Variants in CTAGE1 observed in about 807,000 individuals in gnomAD.
CTAGE1 encodes cutaneous T cell lymphoma-associated antigen 1.
For missense variants in CTAGE1, 963 were observed against 855.9 expected (o/e 1.13, Z -1.56); for synonymous variants, 332 against 302.8 (o/e 1.10, Z -1.00).
At position 22,417,831 on chromosome 18, in the gene CTAGE1, A is replaced by G. The variant is rs1269828044; in HGVS notation, c.-20T>C. 2 of 1,613,418 alleles carry G rather than the reference A, an allele frequency of 1.2e-6. No homozygotes were observed. Among genetic ancestry groups the G allele is most frequent in the South Asian group, 2.2e-5 (2 of 91,058 alleles). Reference sequence around the variant, plus strand: ...TCTCATACCTTCAGTCAGTGCTGCCACAACCCTGCGTAGCAACTCCAGGAC... The same window carrying G: ...TCTCATACCTTCAGTCAGTGCTGCCGCAACCCTGCGTAGCAACTCCAGGAC... On this transcript the variant is annotated 5_prime_UTR_variant, in exon 1 of 1. Coordinates refer to ENST00000391403, the MANE Select transcript of CTAGE1 (RefSeq NM_172241.3).
rs199824409 is a variant in CTAGE1 at position 22,417,560 on chromosome 18, A to T, written c.252T>A (p.Asn84Lys). 9.0e-5 allele frequency: 146 copies of T among 1,613,992 alleles called. 1 individual carries two copies. The East Asian group carries it at 2.0e-3, about 22-fold the overall frequency. Residue 84 changes from asparagine to lysine, a missense_variant, in exon 1 of 1, where the codon AAT becomes AAA. Coordinates refer to ENST00000391403, the MANE Select transcript of CTAGE1 (RefSeq NM_172241.3). ...CTGTTGCCTCCTTCTCAAAGCTGGCATTCTTTAAAGATGACTCTACTTCAT... is the reference window on the plus strand; with the variant it reads ...CTGTTGCCTCCTTCTCAAAGCTGGCTTTCTTTAAAGATGACTCTACTTCAT... ...EGYEVESSLKNASFEKEATEA... is the reference protein window; with the variant it reads ...EGYEVESSLKKASFEKEATEA...
In CTAGE1 at chr18:22,417,076, C is replaced by G. The variant is rs1181502329; in HGVS notation, c.736G>C (p.Asp246His). ...TLTERLLKMK[D>H]GVAMLEEDVT... ...TCTTCTTCAAGCATAGCAACCCCAT[C>G]TTTCATCTTTAGCAAGCGTTCAGTC... Residue 246 changes from aspartate to histidine, a missense_variant, in exon 1 of 1, where the codon GAT becomes CAT. Asp to His is a moderately conservative substitution (Grantham distance 81, BLOSUM62 -1). Coordinates refer to ENST00000391403, the MANE Select transcript of CTAGE1 (RefSeq NM_172241.3). 3 of 1,613,856 alleles carry G rather than the reference C, an allele frequency of 1.9e-6. No individual in the cohort carries two copies. Among genetic ancestry groups the G allele is most frequent in the Non-Finnish European group, 2.5e-6 (3 of 1,179,860 alleles).
chr18:22,414,635 T>C lies in CTAGE1; in HGVS notation c.*939A>G. ...TCACCAACTGCAATTAAGCACTATCTTAGATTTACTCCTTCCCCTTGCCAC... is the reference window on the plus strand; with the variant it reads ...TCACCAACTGCAATTAAGCACTATCCTAGATTTACTCCTTCCCCTTGCCAC... On this transcript the variant is annotated 3_prime_UTR_variant, in exon 1 of 1. Transcript: ENST00000391403. 1.4e-6 allele frequency: 1 copy of C among 700,324 alleles called. No individual in the cohort carries two copies. The highest frequency in any genetic ancestry group is 2.6e-6 in the Non-Finnish European group (1 of 384,374). The allele number at this position is 700,324 out of a possible 1,614,324, so 43.4% of individuals were successfully genotyped here. A position where few individuals can be genotyped will look rare whatever the true frequency, so the allele number is the denominator to read the frequency against.
chr18:22,415,528 G>C lies in CTAGE1; in HGVS notation c.*46C>G, dbSNP rs780459760. 1 of 1,434,004 alleles carries C rather than the reference G, an allele frequency of 7.0e-7. No homozygotes were observed. The allele number at this position is 1,434,004 out of a possible 1,614,324, so 88.8% of individuals were successfully genotyped here. On this transcript the variant is annotated 3_prime_UTR_variant, in exon 1 of 1. Coordinates refer to ENST00000391403, the MANE Select transcript of CTAGE1 (RefSeq NM_172241.3). ...TGTCGTTCTGGATGTTCAGCAGCAG[G>C]CTCATTTGAAGTCGGACTCAACCCT...
Position 22,417,565 on chromosome 18 carries a change from T to C in CTAGE1, c.247A>G (p.Lys83Glu), listed in dbSNP as rs765099199. ...YEGYEVESSL[K>E]NASFEKEATE... The stretch of plus-strand genomic sequence containing the variant: ...GCCTCCTTCTCAAAGCTGGCATTCT[T>C]TAAAGATGACTCTACTTCATAGCCT... The change falls in exon 1 of 1, where the codon AAG becomes GAG. Residue 83 changes from lysine (K) to glutamate (E), a missense_variant. Coordinates refer to ENST00000391403, the MANE Select transcript of CTAGE1 (RefSeq NM_172241.3). 2.9e-5 allele frequency: 47 copies of C among 1,613,898 alleles called. No homozygotes were observed. The highest frequency in any genetic ancestry group is 3.7e-5 in the Non-Finnish European group (44 of 1,179,874).
Position 22,415,450 on chromosome 18 carries a change from A to C in CTAGE1, c.*124T>G, listed in dbSNP as rs2034997264. 4 of 772,658 alleles carry C rather than the reference A, an allele frequency of 5.2e-6. No homozygotes were observed. In the African/African-American group the frequency reaches 5.2e-5, roughly 10 times the overall value. The allele number at this position is 772,658 out of a possible 1,614,324, so 47.9% of individuals were successfully genotyped here. A position where few individuals can be genotyped will look rare whatever the true frequency, so the allele number is the denominator to read the frequency against. ...ACAGCAGTTACTTAAACTGAAAATG[A>C]GATCAGTCAAAATTACTTTTGAAGA... On this transcript the variant is annotated 3_prime_UTR_variant, in exon 1 of 1. Coordinates refer to ENST00000391403, the MANE Select transcript of CTAGE1 (RefSeq NM_172241.3).
In CTAGE1 at chr18:22,417,129, T is replaced by C. The variant is rs1472717925; in HGVS notation, c.683A>G (p.Asn228Ser). 5.0e-5 allele frequency: 81 copies of C among 1,613,816 alleles called. No individual in the cohort carries two copies. Among genetic ancestry groups the C allele is most frequent in the Non-Finnish European group, 6.6e-5 (78 of 1,179,830 alleles). ...DSKVHAEQVL[N>S]DKENHIKTLT... The stretch of plus-strand genomic sequence containing the variant: ...AGTCTTGATGTGATTTTCTTTATCA[T>C]TTAGAACTTGTTCTGCATGTACTTT... Residue 228 changes from asparagine (N) to serine (S), a missense_variant, in exon 1 of 1, where the codon AAT (asparagine) becomes AGT (serine). By Grantham distance (46) the Asn-to-Ser change is conservative. Transcript: ENST00000391403.
rs1330780976 is a variant in CTAGE1 at position 22,417,005 on chromosome 18, C to A, written c.807G>T (p.Ser269=). 1 of 1,613,884 alleles carries A rather than the reference C, an allele frequency of 6.2e-7. No individual in the cohort carries two copies. Among genetic ancestry groups the A allele is most frequent in the Non-Finnish European group, 8.5e-7 (1 of 1,179,920 alleles). ...DNLELEMNSE[S]EDGAYLDNPP... is the part of the protein sequence containing the mutation. Reference sequence around the variant, plus strand: ...GATTATCTAAGTAAGCACCATCTTCCGATTCACTGTTCATTTCTAATTCCA... The same window carrying A: ...GATTATCTAAGTAAGCACCATCTTCAGATTCACTGTTCATTTCTAATTCCA... The change falls in exon 1 of 1, where the codon TCG becomes TCT. Residue 269 remains serine, a synonymous_variant. Coordinates refer to ENST00000391403, the MANE Select transcript of CTAGE1 (RefSeq NM_172241.3).
rs2034983243 is a variant in CTAGE1 at position 22,414,293 on chromosome 18, GT to G, written c.*1280del. 5.3e-6 allele frequency: 1 copy of G among 188,542 alleles called. No homozygotes were observed. The highest frequency in any genetic ancestry group is 1.5e-4 in the South Asian group (1 of 6,820). The allele number at this position is 188,542 out of a possible 1,614,324, so 11.7% of individuals were successfully genotyped here. A position where few individuals can be genotyped will look rare whatever the true frequency, so the allele number is the denominator to read the frequency against. ...CAGAAGCATAAAGTAGCTGAGGATA[GT>G]GGTGGTTCAAGGGAAGACGGAAAAT... On this transcript the variant is annotated 3_prime_UTR_variant, in exon 1 of 1. Transcript: ENST00000391403.
At position 22,416,072 on chromosome 18, in the gene CTAGE1, T is replaced by G. The variant is rs185479567; in HGVS notation, c.1740A>C (p.Gly580=). Residue 580 remains glycine, a synonymous_variant, in exon 1 of 1, where the codon GGA becomes GGC. Coordinates refer to ENST00000391403, the MANE Select transcript of CTAGE1 (RefSeq NM_172241.3). ...GGAGAGCTGAATCAGGATATGATTG[T>G]CCTGGTGGAGGAAACATCATCCTAT... ...QDYRMMFPPP[G]QSYPDSALPP... is the part of the protein sequence containing the mutation. 6.2e-7 allele frequency: 1 copy of G among 1,613,966 alleles called. No homozygotes were observed. Among genetic ancestry groups the G allele is most frequent in the South Asian group, 1.1e-5 (1 of 91,072 alleles).
chr18:22,414,474 C>T lies in CTAGE1; in HGVS notation c.*1100G>A. ...TTTTTAAAAGTGAGGGCAGGTTGTCCCCAAAAGAAGCAATGGCTTGGTGGC... is the reference window on the plus strand; with the variant it reads ...TTTTTAAAAGTGAGGGCAGGTTGTCTCCAAAAGAAGCAATGGCTTGGTGGC... On this transcript the variant is annotated 3_prime_UTR_variant, in exon 1 of 1. Transcript: ENST00000391403. 1.7e-6 allele frequency: 1 copy of T among 571,768 alleles called. No individual in the cohort carries two copies. The highest frequency in any genetic ancestry group is 2.8e-5 in the East Asian group (1 of 35,178). The allele number at this position is 571,768 out of a possible 1,614,324, so 35.4% of individuals were successfully genotyped here.
At position 22,417,294 on chromosome 18, in the gene CTAGE1, C is replaced by A; in HGVS notation, c.518G>T (p.Arg173Leu). 1.9e-6 allele frequency: 3 copies of A among 1,613,968 alleles called. No individual in the cohort carries two copies. Among genetic ancestry groups the A allele is most frequent in the Non-Finnish European group, 2.5e-6 (3 of 1,179,866 alleles). Residue 173 changes from arginine to leucine, a missense_variant, in exon 1 of 1, where the codon CGG (arginine) becomes CTG (leucine). Arg to Leu is a moderately radical substitution (Grantham distance 102, BLOSUM62 -2). Coordinates refer to ENST00000391403, the MANE Select transcript of CTAGE1 (RefSeq NM_172241.3). ...AGCATCTTGTATTTCTATCTCCAAC[C>A]GTTCTTCATTCGCTTGAAATCTCTT... is the stretch of plus-strand genomic sequence containing the variant. The part of the protein sequence containing the change: ...TFKRFQANEE[R>L]LEIEIQDAWK...
rs1291523382 is a variant in CTAGE1, at chr18:22,417,118, T to C, written c.694A>G (p.Asn232Asp). ...CGTTCAGTCAGAGTCTTGATGTGAT[T>C]TTCTTTATCATTTAGAACTTGTTCT... is the stretch of plus-strand genomic sequence containing the variant. ...HAEQVLNDKE[N>D]HIKTLTERLL... The change falls in exon 1 of 1, where the codon AAT becomes GAT. Residue 232 changes from asparagine (N) to aspartate (D), a missense_variant. Coordinates refer to ENST00000391403, the MANE Select transcript of CTAGE1 (RefSeq NM_172241.3). The C allele has an allele frequency of 1.9e-6, 3 of 1,613,800 alleles. No individual in the cohort carries two copies. Among genetic ancestry groups the C allele is most frequent in the Non-Finnish European group, 8.5e-7 (1 of 1,179,852 alleles).
At position 22,416,505 on chromosome 18, in the gene CTAGE1, G is replaced by A. The variant is rs1186312797; in HGVS notation, c.1307C>T (p.Ala436Val). Residue 436 changes from alanine to valine, a missense_variant, in exon 1 of 1, where the codon GCT becomes GTT. Coordinates refer to ENST00000391403, the MANE Select transcript of CTAGE1 (RefSeq NM_172241.3). ...ATTGAGGTTTCTTTCAGCAGTCCAA[G>A]CTGCCGACCAATTATCATGTGCTTT... ...EKKAHDNWSA[A>V]WTAERNLNDL... 1.2e-6 allele frequency: 2 copies of A among 1,613,952 alleles called. No homozygotes were observed. The highest frequency in any genetic ancestry group is 8.5e-7 in the Non-Finnish European group (1 of 1,179,954).
chr18:22,413,751 T>C lies in CTAGE1; in HGVS notation c.*1823A>G, dbSNP rs1485494753. ...TCAGACACAAGGAACTGAAGTAACG[T>C]TTTCAATCTCATTCAGGCCTATTCT... is the stretch of plus-strand genomic sequence containing the variant. On this transcript the variant is annotated 3_prime_UTR_variant, in exon 1 of 1. Coordinates refer to ENST00000391403, the MANE Select transcript of CTAGE1 (RefSeq NM_172241.3). 2.6e-5 allele frequency: 4 copies of C among 152,192 alleles called. No homozygotes were observed. The highest frequency in any genetic ancestry group is 5.9e-5 in the Non-Finnish European group (4 of 68,032). The allele number at this position is 152,192 out of a possible 1,614,324, so 9.4% of individuals were successfully genotyped here.
In CTAGE1 at chr18:22,416,124, G is replaced by A. The variant is rs1406924592; in HGVS notation, c.1688C>T (p.Pro563Leu). 6.2e-7 allele frequency: 1 copy of A among 1,613,974 alleles called. No individual in the cohort carries two copies. The highest frequency in any genetic ancestry group is 8.5e-7 in the Non-Finnish European group (1 of 1,179,874). ...DPHRAPSDAGPLAPPWEQDYR... is the reference protein window; with the variant it reads ...DPHRAPSDAGLLAPPWEQDYR... ...GTCCTGTTCCCACGGAGGTGCCAGG[G>A]GCCCAGCGTCAGAAGGAGCCCTGTG... is the stretch of plus-strand genomic sequence containing the variant. Residue 563 changes from proline (P) to leucine (L), a missense_variant, in exon 1 of 1, where the codon CCC becomes CTC. Physicochemically the swap from Pro to Leu is moderately conservative, Grantham distance 98 (BLOSUM62 -3). Coordinates refer to ENST00000391403, the MANE Select transcript of CTAGE1 (RefSeq NM_172241.3).
chr18:22,415,486 G>A lies in CTAGE1; in HGVS notation c.*88C>T, dbSNP rs2034997580. On this transcript the variant is annotated 3_prime_UTR_variant, in exon 1 of 1. Transcript: ENST00000391403. Reference sequence around the variant, plus strand: ...AATTACTTTTGAAGAGGGCAAACATGTTGTTAGGTTTCTTGCTGTCGTTCT... The same window carrying A: ...AATTACTTTTGAAGAGGGCAAACATATTGTTAGGTTTCTTGCTGTCGTTCT... The A allele has an allele frequency of 1.8e-6, 2 of 1,127,980 alleles. No homozygotes were observed. The highest frequency in any genetic ancestry group is 4.6e-5 in the Admixed American group (2 of 43,476). The allele number at this position is 1,127,980 out of a possible 1,614,324, so 69.9% of individuals were successfully genotyped here.
Position 22,414,559 on chromosome 18 carries a change from T to A in CTAGE1, c.*1015A>T. On this transcript the variant is annotated 3_prime_UTR_variant, in exon 1 of 1. Coordinates refer to ENST00000391403, the MANE Select transcript of CTAGE1 (RefSeq NM_172241.3). ...GGCGTCTCTCAGGGAACACGATACA[T>A]TTCATCTTTTAACAGAATTCCAGAG... 1.6e-6 allele frequency: 1 copy of A among 638,746 alleles called. No homozygotes were observed. The highest frequency in any genetic ancestry group is 2.8e-6 in the Non-Finnish European group (1 of 358,468). The allele number at this position is 638,746 out of a possible 1,614,324, so 39.6% of individuals were successfully genotyped here. A position where few individuals can be genotyped will look rare whatever the true frequency, so the allele number is the denominator to read the frequency against.
rs1490111799 is a variant in CTAGE1, at chr18:22,416,684, G to T, written c.1128C>A (p.Cys376Ter). Residue 376 changes from cysteine to a stop codon, truncating the protein, a stop_gained, in exon 1 of 1, where the codon TGC (cysteine) becomes TGA (stop). Coordinates refer to ENST00000391403, the MANE Select transcript of CTAGE1 (RefSeq NM_172241.3). LOFTEE classifies it low-confidence loss of function (END_TRUNC). ...AAAGTTTCTCTTCTTTCTCTAACCG[G>T]CATTTTTCCTCTACTATTAATTTCC... ...LYRKLIVEEK[C>*]RLEKEEKLSK... is the part of the protein sequence containing the mutation. The T allele has an allele frequency of 1.7e-5, 28 of 1,613,708 alleles. No homozygotes were observed. The highest frequency in any genetic ancestry group is 2.3e-5 in the Non-Finnish European group (27 of 1,179,886).
Sources: allele counts gnomAD v4.1 joint callset, GRCh38; gene constraint gnomAD v4.1.1; transcripts MANE v1.5; gene names NCBI Gene and HGNC (gene_info 2026-07-23, HGNC 2026-07-21).